The following DYSF variants were observed in gnomAD, a reference collection of about 807,000 sequenced individuals.
DYSF encodes dysferlin.
Under a neutral mutation model 274.9 loss-of-function variants are expected in DYSF, and 212 were observed. That is an observed-to-expected ratio of 0.77 (90% CI 0.69 to 0.86). The LOEUF (loss-of-function observed/expected upper bound fraction) is 0.86. Among genes scored for constraint, DYSF ranks in the 40% least tolerant of loss-of-function variants. DYSF has a pLI of 0.00. For missense variants in DYSF, 2,666 were observed against 2,783.2 expected (o/e 0.96, Z 0.95); for synonymous variants, 1,091 against 1,078.7 (o/e 1.01, Z -0.22).
At chr2:71,601,567 GC>G in intron 35 of DYSF, 39 bp downstream of exon 35, 2 of 1,613,616 alleles carry the variant, frequency 1.2e-6, no homozygotes, top group Non-Finnish European at 1.7e-6. Context: ...CAAACTGATT[GC>G]CAGTCTCCCT....
chr2:71,575,704 G>A (rs906802512), intron 30 of DYSF, among the ~76,000 whole-genome samples: 1 of 152,148 alleles, frequency 6.6e-6, no homozygotes, highest in African/African-American at 2.4e-5. Context: ...GGTCTGAGAA[G>A]GCCAGGAAAG....
rs143738269 is a variant in DYSF at position 71,583,043 on chromosome 2, CAAAAAAAAA to C, written c.3403-6532_3403-6524del. Among the ~76,000 whole-genome samples the C allele has an allele frequency of 6.5e-3, 323 of 49,958 alleles. 8 individuals carry two copies. In the Admixed American group the frequency reaches 0.075, roughly 12 times the overall value. 32.8% of individuals were successfully genotyped at this position (49,958 alleles called of 152,430 possible). The stretch of plus-strand genomic sequence containing the variant: ...TGGGTGACAGAGCAAGACTCCATCT[CAAAAAAAAA>C]AAAAAAAAAAAAAAAAAGAGAAATT... On this transcript the variant is annotated intron_variant, in intron 30 of 55. Transcript: ENST00000410020.
intron 13 of DYSF, among the ~76,000 whole-genome samples, chr2:71,526,845 A>G (rs777411896): frequency 1.8e-4 from 27 of 152,340 alleles, no homozygotes; most frequent in Non-Finnish European, 3.5e-4. Flanking sequence ...CTTGCCTGAG[A>G]CTGTCCTGGT....
chr2:71,617,520 AT>A (rs1226210878), intron 40 of DYSF, among the ~76,000 whole-genome samples: 2 of 151,752 alleles, frequency 1.3e-5, no homozygotes, highest in Non-Finnish European at 2.9e-5. Flanking sequence ...CTCTGTGTGT[AT>A]GTTTTATGTG....
intron 17 of DYSF, among the ~76,000 whole-genome samples, chr2:71,544,574 C>T (rs538705223): frequency 2.6e-5 from 4 of 151,142 alleles, no homozygotes; most frequent in African/African-American, 9.7e-5. Flanking sequence ...ATTCTCCTGC[C>T]TCAGCCTTCC....
intron 41 of DYSF, among the ~76,000 whole-genome samples, chr2:71,637,498 G>A (rs1395672233): frequency 2.0e-5 from 3 of 152,148 alleles, no homozygotes; most frequent in East Asian, 3.9e-4. Context: ...TGGGGAGAGG[G>A]CCAGTGTGGC....
Position 71,564,139 on chromosome 2 carries a change from C to A in DYSF, c.2491C>A (p.Gln831Lys). Residue 831 changes from glutamine (Q) to lysine (K), a missense_variant, in exon 24 of 56, where the codon CAA becomes AAA. Physicochemically the swap from Gln to Lys is moderately conservative, Grantham distance 53. Coordinates refer to ENST00000410020, the MANE Select transcript of DYSF (RefSeq NM_001130987.2). ...RVAYQRVPAHQVLFSRRGANY... is the reference protein window; with the variant it reads ...RVAYQRVPAHKVLFSRRGANY... The stretch of plus-strand genomic sequence containing the variant: ...GGCATACCAGCGGGTGCCCGCCCAC[C>A]AAGTCCTCTTCTCCCGGCGGGGTGC... 1 of 1,614,266 alleles carries A rather than the reference C, an allele frequency of 6.2e-7. No homozygotes were observed. The highest frequency in any genetic ancestry group is 8.5e-7 in the Non-Finnish European group (1 of 1,180,044).
intron 10 of DYSF, among the ~76,000 whole-genome samples, chr2:71,518,045 C>T (rs1040239645): frequency 2.8e-4 from 42 of 152,100 alleles, no homozygotes; most frequent in African/African-American, 9.7e-4. Context: ...TGACATCACT[C>T]TCACCCTGGG....
At chr2:71,666,673 G>A (rs920269253) in intron 47 of DYSF, among the ~76,000 whole-genome samples, 4 of 152,186 alleles carry the variant, frequency 2.6e-5, no homozygotes, top group Non-Finnish European at 5.9e-5. Flanking sequence ...TAGCAGGGAG[G>A]AGCTGTACCT....
chr2:71,534,127 A>T (rs1236059425), intron 14 of DYSF, among the ~76,000 whole-genome samples: 3 of 152,214 alleles, frequency 2.0e-5, no homozygotes, highest in African/African-American at 7.2e-5. Context: ...TGGAGACATC[A>T]TCCTCACCCC....
chr2:71,458,184 G>C (rs10186704), intron 1 of DYSF, among the ~76,000 whole-genome samples: 3,766 of 152,244 alleles, frequency 0.025, 165 homozygotes, highest in African/African-American at 0.086. Context: ...ATTCTGGAGA[G>C]TTTATGTGTT....
At position 71,530,990 on chromosome 2, in the gene DYSF, G is replaced by T. The variant is rs1341944430; in HGVS notation, c.1380+2589G>T. ...AGTTCCTAAGAAGATAGGAGTGTGGGAGAGTGTGTGCGACTGTGCACTTCA... is the reference window on the plus strand; with the variant it reads ...AGTTCCTAAGAAGATAGGAGTGTGGTAGAGTGTGTGCGACTGTGCACTTCA... On this transcript the variant is annotated intron_variant, in intron 14 of 55. Coordinates refer to ENST00000410020, the MANE Select transcript of DYSF (RefSeq NM_001130987.2). 1.3e-5 allele frequency among the ~76,000 whole-genome samples: 2 copies of T among 152,074 alleles called. 1 individual carries two copies. Among genetic ancestry groups the T allele is most frequent in the Non-Finnish European group, 2.9e-5 (2 of 68,016 alleles).
rs1421971437 is a variant in DYSF, at chr2:71,589,709, T to C, written c.3496+23T>C. 2.5e-6 allele frequency: 4 copies of C among 1,590,834 alleles called. No homozygotes were observed. The East Asian group carries it at 6.7e-5, about 27-fold the overall frequency. ...ACTGTAAGTGAGGCTTCGAGGCCTC[T>C]ATGGGGTGATAAGGGTGTGTCACCT... On this transcript the variant is annotated intron_variant, in intron 31 of 55. Coordinates refer to ENST00000410020, the MANE Select transcript of DYSF (RefSeq NM_001130987.2).
At chr2:71,489,961 T>C (rs949558139) in intron 3 of DYSF, among the ~76,000 whole-genome samples, 3 of 152,132 alleles carry the variant, frequency 2.0e-5, no homozygotes, top group African/African-American at 7.2e-5. Flanking sequence ...AATAATATAA[T>C]GCATGTGTGT....
intron 11 of DYSF, 23 bp from the exon 12 acceptor site, chr2:71,520,765 AC>A: frequency 6.2e-7 from 1 of 1,608,154 alleles, no homozygotes; most frequent in Non-Finnish European, 8.5e-7. Flanking sequence ...TTCTGGGATC[AC>A]CAGAGGATGT....
intron 41 of DYSF, among the ~76,000 whole-genome samples, chr2:71,628,888 G>T (rs778860437): frequency 6.6e-6 from 1 of 151,950 alleles, no homozygotes; most frequent in African/African-American, 2.4e-5. Context: ...GGAGGTTAAG[G>T]GTGCAGTGAG....
chr2:71,461,895 C>T (rs1189455721), upstream of DYSF, among the ~76,000 whole-genome samples: 1 of 152,174 alleles, frequency 6.6e-6, no homozygotes, highest in Non-Finnish European at 1.5e-5. Context: ...ATGTTTAAGC[C>T]TTGGGAAAAT....
intron 45 of DYSF, among the ~76,000 whole-genome samples, chr2:71,663,047 A>ATGTTTGTGTGTGTATGTCTGTGTC (rs1306479068): frequency 7.0e-6 from 1 of 142,838 alleles, no homozygotes; most frequent in South Asian, 2.2e-4. Flanking sequence ...GTGTGCGCGC[A>ATGTTTGTGTGTGTATGTCTGTGTC]CGCGCGTGGT....
chr2:71,497,357 A>G (rs927410205), intron 3 of DYSF, among the ~76,000 whole-genome samples: 36 of 152,254 alleles, frequency 2.4e-4, no homozygotes, highest in African/African-American at 8.2e-4. Flanking sequence ...CATAATCCCC[A>G]TGTGCTGTGG....
Sources: gnomAD v4.1 joint callset for allele counts (sites outside exome capture counted in the v4.1 genomes callset) on GRCh38, gnomAD v4.1.1 for gene constraint, MANE v1.5 for transcripts, NCBI Gene and HGNC (gene_info 2026-07-23, HGNC 2026-07-21) for gene names.